MARCHF4: variants seen among roughly 807,000 people sequenced by gnomAD.
MARCHF4 encodes the protein E3 ubiquitin-protein ligase MARCHF4.
A neutral mutation model predicts 43.9 loss-of-function variants in MARCHF4; 14 were observed. The observed-to-expected ratio is 0.32, with a 90% CI of 0.21 to 0.50. The LOEUF (loss-of-function observed/expected upper bound fraction) is 0.50, where lower values mean the gene tolerates loss of function less well. Ranked by LOEUF, MARCHF4 falls within the 20% of genes least tolerant of loss-of-function variation. The pLI, the probability that MARCHF4 is intolerant of heterozygous loss-of-function variation, is 0.98. For synonymous variants in MARCHF4, 226 were observed against 213.3 expected (o/e 1.06, Z -0.52); for missense variants, 468 against 536.7 (o/e 0.87, Z 1.27).
intron 1 of MARCHF4, among the ~76,000 whole-genome samples, chr2:216,306,170 T>G (rs577485620): frequency 3.3e-5 from 5 of 150,780 alleles, no homozygotes; most frequent in African/African-American, 1.2e-4. Context: ...GAAATTTATC[T>G]GCATTGATAA....
intron 3 of MARCHF4, among the ~76,000 whole-genome samples, chr2:216,269,284 T>C (rs1690896105): frequency 6.6e-6 from 1 of 152,228 alleles, no homozygotes; most frequent in Non-Finnish European, 1.5e-5. Context: ...TTGCTCTTGT[T>C]AAATCCTAAT....
chr2:216,370,453 A>T lies in MARCHF4; in HGVS notation c.-193T>A. ...GAGAAGTGTGAGTCACTGGTTCTGA[A>T]CTCCACCTGGAAAGCCCAATAACAA... On this transcript the variant is annotated 5_prime_UTR_variant, in exon 1 of 4. Coordinates refer to ENST00000273067, the MANE Select transcript of MARCHF4 (RefSeq NM_020814.3). 1 of 490,932 alleles carries T rather than the reference A, an allele frequency of 2.0e-6. No homozygotes were observed. The allele number at this position is 490,932 out of a possible 1,614,324, so 30.4% of individuals were successfully genotyped here. A position where few individuals can be genotyped will look rare whatever the true frequency, so the allele number is the denominator to read the frequency against.
At chr2:216,332,201 G>A (rs1002084642) in intron 1 of MARCHF4, among the ~76,000 whole-genome samples, 1 of 151,962 alleles carries the variant, frequency 6.6e-6, no homozygotes, top group African/African-American at 2.4e-5. Context: ...GATCAGCCTG[G>A]GCAACATGGC....
intron 1 of MARCHF4, among the ~76,000 whole-genome samples, chr2:216,311,564 C>A (rs1165123576): frequency 6.6e-6 from 1 of 152,170 alleles, no homozygotes; most frequent in Non-Finnish European, 1.5e-5. Context: ...GGCCGTAAAT[C>A]ATGTCTTTAT....
intron 1 of MARCHF4, among the ~76,000 whole-genome samples, chr2:216,346,699 G>C (rs993566217): frequency 6.6e-6 from 1 of 152,132 alleles, no homozygotes; most frequent in African/African-American, 2.4e-5. Context: ...CATAGGTTGG[G>C]GCAAAAGAGA....
chr2:216,305,171 G>A (rs73988364), intron 1 of MARCHF4, among the ~76,000 whole-genome samples: 4,287 of 152,244 alleles, frequency 0.028, 180 homozygotes, highest in African/African-American at 0.098. Flanking sequence ...CAGGAGGGCA[G>A]GACTATGTGT....
At chr2:216,261,098 C>T (rs1037161256) in intron 3 of MARCHF4, among the ~76,000 whole-genome samples, 7 of 152,110 alleles carry the variant, frequency 4.6e-5, no homozygotes, top group Admixed American at 1.3e-4. Flanking sequence ...GTGGTGGCTG[C>T]GGTGACCGGA....
chr2:216,288,396 G>A (rs74965459), intron 1 of MARCHF4, among the ~76,000 whole-genome samples: 6,807 of 152,122 alleles, frequency 0.045, 479 homozygotes, highest in African/African-American at 0.16. Flanking sequence ...TTTTTCTTCT[G>A]CAACTCTATT....
At chr2:216,272,503 G>C (rs1417651192) in intron 3 of MARCHF4, among the ~76,000 whole-genome samples, 2 of 152,148 alleles carry the variant, frequency 1.3e-5, no homozygotes, top group Admixed American at 6.5e-5. Flanking sequence ...CAATTTTACA[G>C]AGCAATCAGA....
At chr2:216,358,059 T>C (rs976778967) in intron 1 of MARCHF4, among the ~76,000 whole-genome samples, 1 of 152,236 alleles carries the variant, frequency 6.6e-6, no homozygotes, top group Non-Finnish European at 1.5e-5. Flanking sequence ...AATGTATGTT[T>C]GTGATTTTAT....
chr2:216,285,333 C>T (rs1691201543), intron 1 of MARCHF4, among the ~76,000 whole-genome samples: 1 of 152,178 alleles, frequency 6.6e-6, no homozygotes. Context: ...GTGCTCATCC[C>T]CATGAAACCC....
At chr2:216,306,994 A>G (rs2105953512) in intron 1 of MARCHF4, among the ~76,000 whole-genome samples, 1 of 151,994 alleles carries the variant, frequency 6.6e-6, no homozygotes, top group South Asian at 2.1e-4. Flanking sequence ...ACACACACAT[A>G]CACACACACA....
At chr2:216,366,814 A>C (rs1477367958) in intron 1 of MARCHF4, among the ~76,000 whole-genome samples, 3 of 152,068 alleles carry the variant, frequency 2.0e-5, no homozygotes, top group Non-Finnish European at 2.9e-5. Flanking sequence ...TTACTTGTCT[A>C]TTTATGTGTC....
intron 1 of MARCHF4, among the ~76,000 whole-genome samples, chr2:216,310,628 G>T (rs948896488): frequency 2.0e-5 from 3 of 152,098 alleles, no homozygotes; most frequent in Non-Finnish European, 4.4e-5. Context: ...CTCTCTTCTG[G>T]GGTGATGCAG....
intron 1 of MARCHF4, among the ~76,000 whole-genome samples, chr2:216,291,630 A>G: frequency 6.6e-6 from 1 of 152,136 alleles, no homozygotes; most frequent in East Asian, 1.9e-4. Context: ...TTTATAGCAG[A>G]TCTCCTCACT....
At chr2:216,263,353 G>T (rs1690773854) in intron 3 of MARCHF4, among the ~76,000 whole-genome samples, 1 of 151,994 alleles carries the variant, frequency 6.6e-6, no homozygotes, top group South Asian at 2.1e-4. Context: ...CTTGAACCCA[G>T]GAGGTGAAGG....
At chr2:216,278,609 AT>A (rs1036204228) in intron 2 of MARCHF4, among the ~76,000 whole-genome samples, 43 of 151,178 alleles carry the variant, frequency 2.8e-4, no homozygotes, top group African/African-American at 9.2e-4. Context: ...TTTGTTTTTG[AT>A]TTTTTTTTCT....
intron 1 of MARCHF4, among the ~76,000 whole-genome samples, chr2:216,312,920 C>CA (rs35478985): frequency 0.91 from 139,015 of 152,250 alleles, 63,565 homozygotes; most frequent in East Asian, 0.97. Flanking sequence ...GGTTTTGTTG[C>CA]TTTGCTTTTG....
At chr2:216,269,550 G>A (rs1690899523) in intron 3 of MARCHF4, among the ~76,000 whole-genome samples, 2 of 152,172 alleles carry the variant, frequency 1.3e-5, no homozygotes, top group Admixed American at 1.3e-4. Flanking sequence ...TCTATATCTA[G>A]GCTGTAGCTG....
Sources: gnomAD v4.1 joint callset for allele counts (sites outside exome capture counted in the v4.1 genomes callset) on GRCh38, gnomAD v4.1.1 for gene constraint, MANE v1.5 for transcripts, NCBI Gene and HGNC (gene_info 2026-07-23, HGNC 2026-07-21) for gene names.